Variants in TRPM3 observed in about 807,000 individuals in gnomAD.
TRPM3 encodes the protein transient receptor potential cation channel subfamily M member 3, also known as long transient receptor potential channel 3.
In TRPM3, 77 loss-of-function variants were observed where a neutral mutation model predicts 181.2. The ratio of observed to expected loss-of-function variants is 0.42; its 90% CI spans 0.35 to 0.51. The LOEUF (loss-of-function observed/expected upper bound fraction) is 0.51, where lower values mean the gene tolerates loss of function less well. Ranked by LOEUF, TRPM3 falls within the 20% of genes least tolerant of loss-of-function variation. The probability of loss-of-function intolerance (pLI) is 0.01; values close to 1 mark genes in which losing one functional copy is unlikely to be tolerated. For synonymous variants in TRPM3, 745 were observed against 796.4 expected (o/e 0.94, Z 1.09); for missense variants, 1,759 against 2,196.7 (o/e 0.80, Z 3.98).
chr9:71,164,378 G>T (rs777453191), intron 1 of TRPM3, among the ~76,000 whole-genome samples: 1 of 152,180 alleles, frequency 6.6e-6, no homozygotes, highest in Admixed American at 6.5e-5. Context: ...AGTGTCACAA[G>T]AGTTGAGTTT....
At chr9:71,177,320 A>T (rs2077155880) in intron 1 of TRPM3, among the ~76,000 whole-genome samples, 1 of 152,066 alleles carries the variant, frequency 6.6e-6, no homozygotes. Context: ...TGCACAATAA[A>T]TGTAATGCTC....
chr9:71,188,261 C>G (rs2077805270), intron 1 of TRPM3, among the ~76,000 whole-genome samples: 1 of 151,846 alleles, frequency 6.6e-6, no homozygotes, highest in South Asian at 2.1e-4. Flanking sequence ...CATGCTCCCC[C>G]ACATCCTTGA....
chr9:70,746,464 T>G (rs757229636), intron 8 of TRPM3, among the ~76,000 whole-genome samples: 4 of 152,082 alleles, frequency 2.6e-5, no homozygotes, highest in Non-Finnish European at 4.4e-5. Context: ...TGGGAGGTAG[T>G]GGAGTTGGCC....
intron 1 of TRPM3, among the ~76,000 whole-genome samples, chr9:71,132,515 T>A (rs1280723403): frequency 6.6e-6 from 1 of 152,134 alleles, no homozygotes; most frequent in African/African-American, 2.4e-5. Context: ...TTCAGGGTGA[T>A]AAAAATGCTC....
chr9:71,157,516 T>C (rs182983990), intron 1 of TRPM3, among the ~76,000 whole-genome samples: 231 of 152,200 alleles, frequency 1.5e-3, no homozygotes, highest in African/African-American at 5.2e-3. Context: ...CAGGACGAGA[T>C]TAAGCCAATG....
chr9:71,256,665 T>G (rs1041458835), intron 1 of TRPM3, among the ~76,000 whole-genome samples: 1 of 152,144 alleles, frequency 6.6e-6, no homozygotes, highest in African/African-American at 2.4e-5. Context: ...ATGAGAGCCA[T>G]GACCGTATGC....
chr9:70,975,870 C>T (rs2097297086), intron 1 of TRPM3, among the ~76,000 whole-genome samples: 1 of 152,214 alleles, frequency 6.6e-6, no homozygotes, highest in Non-Finnish European at 1.5e-5. Flanking sequence ...GCCCAGGTCC[C>T]TCATCTGTAA....
At chr9:71,310,286 A>T (rs1234222272) in intron 1 of TRPM3, among the ~76,000 whole-genome samples, 1 of 152,198 alleles carries the variant, frequency 6.6e-6, no homozygotes, top group Middle Eastern at 3.4e-3. Context: ...GGAAAAAAAA[A>T]CCCAAAATAA....
intron 6 of TRPM3, among the ~76,000 whole-genome samples, chr9:70,807,126 C>T (rs2090862132): frequency 6.6e-6 from 1 of 152,182 alleles, no homozygotes; most frequent in Non-Finnish European, 1.5e-5. Context: ...CTAAAGTTAG[C>T]CATGCACTTC....
intron 1 of TRPM3, among the ~76,000 whole-genome samples, chr9:71,074,082 C>T (rs916778033): frequency 6.6e-6 from 1 of 152,166 alleles, no homozygotes; most frequent in African/African-American, 2.4e-5. Flanking sequence ...CTAAAAGAGG[C>T]TAGCGGAACC....
At chr9:71,407,770 C>A (rs1467909534) in intron 1 of TRPM3, among the ~76,000 whole-genome samples, 1 of 148,018 alleles carries the variant, frequency 6.8e-6, no homozygotes, top group Non-Finnish European at 1.5e-5. Context: ...GACAGAGTGC[C>A]TCCTCAAGTA....
At chr9:70,872,922 T>C (rs577234901) in intron 1 of TRPM3, among the ~76,000 whole-genome samples, 1 of 152,078 alleles carries the variant, frequency 6.6e-6, no homozygotes, top group African/African-American at 2.4e-5. Context: ...GATGGTACCA[T>C]CCTAAAAATG....
chr9:70,788,262 AC>A (rs2084419314), intron 6 of TRPM3, among the ~76,000 whole-genome samples: 1 of 145,298 alleles, frequency 6.9e-6, no homozygotes, highest in Non-Finnish European at 1.5e-5. Context: ...CTTGAAACCT[AC>A]CTTAGCTGAT....
At chr9:71,396,198 T>TA (rs1010174561) in intron 1 of TRPM3, among the ~76,000 whole-genome samples, 2 of 151,848 alleles carry the variant, frequency 1.3e-5, no homozygotes, top group African/African-American at 2.4e-5. Context: ...ATTTGACAGA[T>TA]ACGTATTTTT....
At chr9:70,869,520 GA>G (rs2095742838) in intron 1 of TRPM3, among the ~76,000 whole-genome samples, 1 of 151,964 alleles carries the variant, frequency 6.6e-6, no homozygotes, top group South Asian at 2.1e-4. Flanking sequence ...CCAAAGAATG[GA>G]ATGGTAGCAT....
chr9:70,858,631 C>T (rs1220606303), intron 3 of TRPM3, among the ~76,000 whole-genome samples: 1 of 151,932 alleles, frequency 6.6e-6, no homozygotes, highest in African/African-American at 2.4e-5. Flanking sequence ...GCTGATTAGA[C>T]TCAGAAAGAA....
chr9:70,799,637 T>C (rs978121724), intron 6 of TRPM3, among the ~76,000 whole-genome samples: 3 of 152,206 alleles, frequency 2.0e-5, no homozygotes, highest in Non-Finnish European at 4.4e-5. Context: ...AATAACCTGA[T>C]AGTTGGTGAC....
chr9:70,640,007 C>G (rs2133567452), intron 10 of TRPM3, among the ~76,000 whole-genome samples: 1 of 152,288 alleles, frequency 6.6e-6, no homozygotes, highest in Middle Eastern at 3.4e-3. Flanking sequence ...TGGCCAATCT[C>G]TCAAATTTTT....
At chr9:71,332,115 T>C (rs2132545420) in intron 1 of TRPM3, among the ~76,000 whole-genome samples, 1 of 151,676 alleles carries the variant, frequency 6.6e-6, no homozygotes, top group South Asian at 2.1e-4. Flanking sequence ...AAAATCAACG[T>C]ATCTATCCAC....
Sources: gnomAD v4.1 joint callset for allele counts (sites outside exome capture counted in the v4.1 genomes callset) on GRCh38, gnomAD v4.1.1 for gene constraint, MANE v1.5 for transcripts, NCBI Gene and HGNC (gene_info 2026-07-23, HGNC 2026-07-21) for gene names.